Variants in ADGRE2 observed in about 807,000 individuals in gnomAD.
The protein encoded by ADGRE2 is CD97 antigen.
A neutral mutation model predicts 100.8 loss-of-function variants in ADGRE2; 83 were observed. The observed-to-expected ratio is 0.82, with a 90% CI of 0.69 to 0.99. The LOEUF (loss-of-function observed/expected upper bound fraction) is 0.99, where lower values mean the gene tolerates loss of function less well. Ranked by LOEUF, ADGRE2 falls within the 50% of genes least tolerant of loss-of-function variation. The pLI is 0.00. For synonymous variants in ADGRE2, 355 were observed against 413.0 expected (o/e 0.86, Z 1.70); for missense variants, 814 against 1,035.7 (o/e 0.79, Z 2.94).
In ADGRE2 at chr19:14,735,956, A is replaced by G. The variant is rs779591944; in HGVS notation, c.*280T>C. On this transcript the variant is annotated 3_prime_UTR_variant, in exon 21 of 21. Transcript: ENST00000315576. Reference sequence around the variant, plus strand: ...GCTGTGAAAGAGGTCTTAACGTTCTATAGCTTCATAAATATTGTGCTTCAG... The same window carrying G: ...GCTGTGAAAGAGGTCTTAACGTTCTGTAGCTTCATAAATATTGTGCTTCAG... 5.1e-5 allele frequency: 16 copies of G among 315,438 alleles called. No individual in the cohort carries two copies. In the East Asian group the frequency reaches 5.8e-4, roughly 11 times the overall value. 19.5% of individuals were successfully genotyped at this position (315,438 alleles called of 1,614,324 possible).
At chr19:14,742,017 G>A (rs8101138) in intron 20 of ADGRE2, 17,999 of 398,194 alleles carry the variant, frequency 0.045, 2,861 homozygotes, top group African/African-American at 0.34. Context: ...AAGTTGTCCC[G>A]GGCTCAAGTG....
At chr19:14,747,881 A>AT (rs1316092916) in intron 16 of ADGRE2, among the ~76,000 whole-genome samples, 8 of 152,120 alleles carry the variant, frequency 5.3e-5, no homozygotes, top group Non-Finnish European at 1.0e-4. Context: ...TTGTGGATAT[A>AT]TTACGTTTTG....
intron 5 of ADGRE2, 22 bp from the exon 6 acceptor site, chr19:14,767,131 G>A (rs757139787): frequency 2.9e-5 from 46 of 1,606,264 alleles, no homozygotes; most frequent in African/African-American, 6.7e-5. Flanking sequence ...AGGAGAGGGT[G>A]AAGAATGCCC....
chr19:14,770,669 C>CTTTTTTTTTTTTTTTTTT (rs775214778), intron 5 of ADGRE2, among the ~76,000 whole-genome samples: 11 of 85,004 alleles, frequency 1.3e-4, no homozygotes, highest in South Asian at 5.0e-4. Flanking sequence ...TCTTTCTTTT[C>CTTTTTTTTTTTTTTTTTT]TTTTTTTTTT....
At chr19:14,739,803 G>C (rs747305824) in intron 20 of ADGRE2, among the ~76,000 whole-genome samples, 1 of 151,998 alleles carries the variant, frequency 6.6e-6, no homozygotes, top group Non-Finnish European at 1.5e-5. Flanking sequence ...CTGTAGGAGA[G>C]TCAAAGACAG....
At position 14,772,242 on chromosome 19, in the gene ADGRE2, A is replaced by G. The variant is rs532990955; in HGVS notation, c.355+100T>C. ...TCTCATCTCAGACTCCAGGAACTGA[A>G]CCTATACTTGGGTACCTGCTCCCTG... On this transcript the variant is annotated intron_variant, in intron 5 of 20. Coordinates refer to ENST00000315576, the MANE Select transcript of ADGRE2 (RefSeq NM_013447.4). 155 of 1,518,236 alleles carry G rather than the reference A, an allele frequency of 1.0e-4. 1 individual carries two copies. In the South Asian group the frequency reaches 1.7e-3, roughly 16 times the overall value. 94.0% of individuals were successfully genotyped at this position (1,518,236 alleles called of 1,614,324 possible).
At position 14,770,211 on chromosome 19, in the gene ADGRE2, G is replaced by C. The variant is rs146780565; in HGVS notation, c.355+2131C>G. On this transcript the variant is annotated intron_variant, in intron 5 of 20. Coordinates refer to ENST00000315576, the MANE Select transcript of ADGRE2 (RefSeq NM_013447.4). ...GGTGCTGTCCTTGGGTCATGAGTGA[G>C]TTCTCGCCTTGTTAGTTCCCATGAA... is the stretch of plus-strand genomic sequence containing the variant. 2.0e-3 allele frequency among the ~76,000 whole-genome samples: 305 copies of C among 152,212 alleles called. 1 individual carries two copies. The highest frequency in any genetic ancestry group is 5.7e-3 in the African/African-American group (238 of 41,530).
intron 4 of ADGRE2, among the ~76,000 whole-genome samples, chr19:14,773,314 C>T (rs954988326): frequency 6.7e-6 from 1 of 148,618 alleles, no homozygotes; most frequent in Non-Finnish European, 1.5e-5. Context: ...TCTTTCCTCC[C>T]TCCCTCCCTC....
At chr19:14,769,218 C>A (rs969484696) in intron 5 of ADGRE2, among the ~76,000 whole-genome samples, 4 of 23,942 alleles carry the variant, frequency 1.7e-4, no homozygotes, top group Non-Finnish European at 3.0e-4. Flanking sequence ...GGTGAGACAC[C>A]CCCCCCCCAT....
intron 18 of ADGRE2, among the ~76,000 whole-genome samples, chr19:14,745,604 A>AT (rs1395037818): frequency 5.3e-5 from 8 of 151,898 alleles, no homozygotes; most frequent in Non-Finnish European, 1.2e-4. Context: ...ATTCTACTTT[A>AT]TTTTTATTTT....
At chr19:14,760,647 G>A (rs754604383) in intron 11 of ADGRE2, among the ~76,000 whole-genome samples, 1 of 151,276 alleles carries the variant, frequency 6.6e-6, no homozygotes, top group Non-Finnish European at 1.5e-5. Context: ...GTCCTCTCCC[G>A]CCCCCCTCAA....
At chr19:14,777,927 C>T (rs1212176934) in intron 1 of ADGRE2, among the ~76,000 whole-genome samples, 1 of 152,136 alleles carries the variant, frequency 6.6e-6, no homozygotes, top group African/African-American at 2.4e-5. Flanking sequence ...CAGGTCTTTG[C>T]TATTGTGAAT....
At chr19:14,768,573 G>A (rs2044077123) in intron 5 of ADGRE2, among the ~76,000 whole-genome samples, 1 of 152,144 alleles carries the variant, frequency 6.6e-6, no homozygotes, top group South Asian at 2.1e-4. Flanking sequence ...TGACCTCCTG[G>A]GAGAGGATCA....
Position 14,755,674 on chromosome 19 carries a change from TA to T in ADGRE2, c.1395del (p.Thr466ProfsTer9), listed in dbSNP as rs1157206101. 3 of 1,613,946 alleles carry T rather than the reference TA, an allele frequency of 1.9e-6. No individual in the cohort carries two copies. The highest frequency in any genetic ancestry group is 2.5e-6 in the Non-Finnish European group (3 of 1,179,996). ...NNDTQNLSSP[V>X]TFTFSHRSVI... is the part of the protein sequence containing the mutation. The stretch of plus-strand genomic sequence containing the variant: ...CTCACACGGTGGGAGAAGGTGAAGG[TA>T]ACTGGGGAGCTGAGGTTTTGGGTGT... On this transcript the variant is annotated frameshift_variant, in exon 13 of 21. Coordinates refer to ENST00000315576, the MANE Select transcript of ADGRE2 (RefSeq NM_013447.4). LOFTEE classifies it high-confidence loss of function.
Position 14,734,848 on chromosome 19 carries a change from G to A in ADGRE2, c.*1388C>T, listed in dbSNP as rs982941097. On this transcript the variant is annotated 3_prime_UTR_variant, in exon 21 of 21. Coordinates refer to ENST00000315576, the MANE Select transcript of ADGRE2 (RefSeq NM_013447.4). The stretch of plus-strand genomic sequence containing the variant: ...CATAGTGTACCAGATTTTATAGACA[G>A]GCTTGAGAAGGCGGTGTCTGATTTA... 2 of 152,220 alleles carry A rather than the reference G, an allele frequency of 1.3e-5. No homozygotes were observed. The highest frequency in any genetic ancestry group is 4.8e-5 in the African/African-American group (2 of 41,440). 9.4% of individuals were successfully genotyped at this position (152,220 alleles called of 1,614,324 possible). A position where few individuals can be genotyped will look rare whatever the true frequency, so the allele number is the denominator to read the frequency against.
chr19:14,770,222 G>C (rs1303363798), intron 5 of ADGRE2, among the ~76,000 whole-genome samples: 1 of 152,088 alleles, frequency 6.6e-6, no homozygotes. Context: ...TTCTCGCCTT[G>C]TTAGTTCCCA....
intron 20 of ADGRE2, among the ~76,000 whole-genome samples, chr19:14,736,864 T>TG (rs1216293503): frequency 3.4e-4 from 50 of 145,620 alleles, no homozygotes; most frequent in East Asian, 1.8e-3. Flanking sequence ...TATATAGATA[T>TG]TTAATATCTA....
chr19:14,741,091 GTT>G (rs71333309), intron 20 of ADGRE2, among the ~76,000 whole-genome samples: 27,405 of 115,814 alleles, frequency 0.24, 2,485 homozygotes, highest in East Asian at 0.43. Flanking sequence ...TGAATAGGCT[GTT>G]TTTTTTTTTT....
At chr19:14,752,918 C>T (rs1985519) in intron 14 of ADGRE2, among the ~76,000 whole-genome samples, 47,346 of 151,636 alleles carry the variant, frequency 0.31, 7,902 homozygotes, top group Middle Eastern at 0.39. Flanking sequence ...ATTACAGGCA[C>T]GTGCCTCCAT....
Sources: allele counts gnomAD v4.1 joint callset (sites outside exome capture counted in the v4.1 genomes callset), GRCh38; gene constraint gnomAD v4.1.1; transcripts MANE v1.5; gene names NCBI Gene and HGNC (gene_info 2026-07-23, HGNC 2026-07-21).